Variants in PTP4A1 observed in about 807,000 individuals in gnomAD.
PTP4A1 encodes the protein protein tyrosine phosphatase type IVA 1.
A neutral mutation model predicts 20.5 loss-of-function variants in PTP4A1; 9 were observed. The ratio of observed to expected loss-of-function variants is 0.44; its 90% CI spans 0.26 to 0.77. The LOEUF (loss-of-function observed/expected upper bound fraction) is 0.77. Among genes scored for constraint, PTP4A1 ranks in the 30% least tolerant of loss-of-function variants. The probability of loss-of-function intolerance (pLI) is 0.19; values close to 1 mark genes in which losing one functional copy is unlikely to be tolerated. For missense variants in PTP4A1, 137 were observed against 218.8 expected (o/e 0.63, Z 2.36); for synonymous variants, 78 against 67.4 (o/e 1.16, Z -0.77).
intron 3 of PTP4A1, among the ~76,000 whole-genome samples, chr6:63,561,397 T>G (rs1776944923): frequency 6.6e-6 from 1 of 152,188 alleles, no homozygotes; most frequent in Non-Finnish European, 1.5e-5. Context: ...TAATAAGGTA[T>G]ATTTCTACAA....
At chr6:63,574,601 A>C (rs774122801) in intron 1 of PTP4A1, among the ~76,000 whole-genome samples, 2 of 152,242 alleles carry the variant, frequency 1.3e-5, no homozygotes, top group African/African-American at 2.4e-5. Flanking sequence ...GGATATGGCC[A>C]GACTAGGTTG....
upstream of PTP4A1, among the ~76,000 whole-genome samples, chr6:63,519,988 T>C (rs942237135): frequency 5.3e-5 from 8 of 152,236 alleles, no homozygotes; most frequent in Non-Finnish European, 1.0e-4. Context: ...TATAAACCTG[T>C]AGACTGATTT....
chr6:63,520,196 G>T (rs1774870277), upstream of PTP4A1, among the ~76,000 whole-genome samples: 1 of 151,996 alleles, frequency 6.6e-6, no homozygotes, highest in South Asian at 2.1e-4. Flanking sequence ...AGTCTTCATT[G>T]ATTCTACAAT....
intron 2 of PTP4A1, among the ~76,000 whole-genome samples, chr6:63,537,110 G>A (rs1423103676): frequency 4.6e-5 from 7 of 152,046 alleles, no homozygotes; most frequent in Non-Finnish European, 7.4e-5. Flanking sequence ...GGCTTCCATG[G>A]ATTCATGATG....
At chr6:63,577,293 A>G (rs958179328) in intron 2 of PTP4A1, among the ~76,000 whole-genome samples, 6 of 152,148 alleles carry the variant, frequency 3.9e-5, no homozygotes, top group African/African-American at 1.2e-4. Flanking sequence ...TGGATTTTTT[A>G]TATATCTGCT....
chr6:63,536,773 G>A (rs1281398326), intron 2 of PTP4A1, among the ~76,000 whole-genome samples: 1 of 151,886 alleles, frequency 6.6e-6, no homozygotes, highest in Non-Finnish European at 1.5e-5. Flanking sequence ...ATTAGAAAAG[G>A]TTTTATTATA....
chr6:63,556,747 A>G (rs776834992), intron 3 of PTP4A1, among the ~76,000 whole-genome samples: 4 of 152,246 alleles, frequency 2.6e-5, no homozygotes, highest in Non-Finnish European at 5.9e-5. Flanking sequence ...ATTTCAAAGA[A>G]TAAAAAGTAT....
intron 2 of PTP4A1, chr6:63,550,295 A>G (rs904661105): frequency 2.0e-5 from 3 of 152,228 alleles, no homozygotes; most frequent in Admixed American, 1.3e-4. Flanking sequence ...AATGTAATCA[A>G]CCAGGGCAGT....
At chr6:63,531,016 A>G (rs1306032164) in intron 2 of PTP4A1, among the ~76,000 whole-genome samples, 1 of 152,206 alleles carries the variant, frequency 6.6e-6, no homozygotes, top group Non-Finnish European at 1.5e-5. Context: ...AACTAAATAT[A>G]AGAATGAGCT....
rs1778231852 is a variant in PTP4A1, at chr6:63,581,609, C to T, written c.*1435C>T. 6.6e-6 allele frequency: 1 copy of T among 152,062 alleles called. No homozygotes were observed. Among genetic ancestry groups the T allele is most frequent in the Non-Finnish European group, 1.5e-5 (1 of 68,002 alleles). 9.4% of individuals were successfully genotyped at this position (152,062 alleles called of 1,614,324 possible). On this transcript the variant is annotated 3_prime_UTR_variant, in exon 6 of 6. Transcript: ENST00000626021. ...ACTTTTAGACAAAATTTGTTAGGGT[C>T]ATTCATGAAAACTTTAATACTAAAA...
At position 63,581,045 on chromosome 6, in the gene PTP4A1, TTTGTTA is replaced by T. The variant is rs1213076605; in HGVS notation, c.*876_*881del. 1.3e-5 allele frequency: 2 copies of T among 152,186 alleles called. No homozygotes were observed. Among genetic ancestry groups the T allele is most frequent in the Non-Finnish European group, 2.9e-5 (2 of 68,000 alleles). The allele number at this position is 152,186 out of a possible 1,614,324, so 9.4% of individuals were successfully genotyped here. A position where few individuals can be genotyped will look rare whatever the true frequency, so the allele number is the denominator to read the frequency against. On this transcript the variant is annotated 3_prime_UTR_variant, in exon 6 of 6. Coordinates refer to ENST00000626021, the MANE Select transcript of PTP4A1 (RefSeq NM_003463.5). The stretch of plus-strand genomic sequence containing the variant: ...ATATTTTTTTAAAAGGTAGAGATGC[TTTGTTA>T]TTGTAATCATAAACTTCCTGAAATT...
chr6:63,537,674 ACAAT>A (rs1186639452), intron 2 of PTP4A1, among the ~76,000 whole-genome samples: 18 of 152,270 alleles, frequency 1.2e-4, no homozygotes, highest in Non-Finnish European at 2.5e-4. Flanking sequence ...CAAGCTGAGT[ACAAT>A]CAGTCAAGGT....
At chr6:63,560,338 C>CAAA (rs369689231) in intron 3 of PTP4A1, among the ~76,000 whole-genome samples, 1 of 50,526 alleles carries the variant, frequency 2.0e-5, no homozygotes, top group Admixed American at 2.0e-4. Flanking sequence ...GACTCCGTCT[C>CAAA]AAAAAAAAAA....
upstream of PTP4A1, among the ~76,000 whole-genome samples, chr6:63,569,290 C>G (rs1158604393): frequency 2.0e-5 from 3 of 152,200 alleles, no homozygotes; most frequent in Non-Finnish European, 4.4e-5. Context: ...AAGTCTCACT[C>G]TGTCTCCCAG....
At chr6:63,571,505 T>C (rs574600475), upstream of PTP4A1, 25 of 152,320 alleles carry the variant, frequency 1.6e-4, no homozygotes, top group South Asian at 5.2e-3. Context: ...GGGGCTTAAA[T>C]AATGAAGTCA....
chr6:63,523,303 C>T (rs1211442219), intron 1 of PTP4A1, among the ~76,000 whole-genome samples: 2 of 151,976 alleles, frequency 1.3e-5, no homozygotes, highest in South Asian at 2.1e-4. Context: ...TAAATGAAGG[C>T]GGGCAGATCA....
At chr6:63,536,555 C>T (rs1290865880) in intron 2 of PTP4A1, among the ~76,000 whole-genome samples, 2 of 152,060 alleles carry the variant, frequency 1.3e-5, no homozygotes, top group Non-Finnish European at 2.9e-5. Context: ...AACAAATCAC[C>T]ACTTATATTT....
At chr6:63,526,775 C>T (rs1045599561) in intron 1 of PTP4A1, among the ~76,000 whole-genome samples, 5 of 130,702 alleles carry the variant, frequency 3.8e-5, no homozygotes, top group African/African-American at 1.2e-4. Flanking sequence ...CTCCAACCTG[C>T]GACAGAGCAA....
chr6:63,559,281 TA>T (rs146526910), intron 3 of PTP4A1, among the ~76,000 whole-genome samples: 159 of 152,352 alleles, frequency 1.0e-3, no homozygotes, highest in African/African-American at 3.6e-3. Context: ...ATGATACTTG[TA>T]AACAGCAAGG....
Sources: allele counts gnomAD v4.1 joint callset (sites outside exome capture counted in the v4.1 genomes callset), GRCh38; gene constraint gnomAD v4.1.1; transcripts MANE v1.5; gene names NCBI Gene and HGNC (gene_info 2026-07-23, HGNC 2026-07-21).